Variants in CEP57L1 observed in about 807,000 individuals in gnomAD.
The protein encoded by CEP57L1 is centrosomal protein CEP57L1.
Under a neutral mutation model 61.0 loss-of-function variants are expected in CEP57L1, and 37 were observed. That is an observed-to-expected ratio of 0.61 (90% CI 0.47 to 0.80). The LOEUF is 0.80. Ranked by LOEUF, CEP57L1 falls within the 30% of genes least tolerant of loss-of-function variation. The pLI is 0.00. For missense variants in CEP57L1, 422 were observed against 524.7 expected (o/e 0.80, Z 1.91); for synonymous variants, 137 against 162.3 (o/e 0.84, Z 1.19).
chr6:109,117,670 C>G (rs892281107), intron 1 of CEP57L1, among the ~76,000 whole-genome samples: 5 of 152,098 alleles, frequency 3.3e-5, no homozygotes, highest in Admixed American at 1.3e-4. Flanking sequence ...GCTTAGCAAA[C>G]AGTATTGGAA....
At chr6:109,117,858 G>A (rs1230946351) in intron 1 of CEP57L1, among the ~76,000 whole-genome samples, 1 of 152,160 alleles carries the variant, frequency 6.6e-6, no homozygotes, top group African/African-American at 2.4e-5. Flanking sequence ...ATCATAGGCT[G>A]TTCTCTGTGC....
intron 3 of CEP57L1, among the ~76,000 whole-genome samples, chr6:109,148,895 T>G (rs980754436): frequency 3.9e-5 from 6 of 152,200 alleles, no homozygotes; most frequent in East Asian, 1.9e-4. Flanking sequence ...GTTCATGTGT[T>G]TTTTGGCTGC....
Position 109,155,896 on chromosome 6 carries a change from T to A in CEP57L1, c.744+19T>A, listed in dbSNP as rs769020101. 2.3e-6 allele frequency: 3 copies of A among 1,328,486 alleles called. No individual in the cohort carries two copies. The highest frequency in any genetic ancestry group is 3.2e-6 in the Non-Finnish European group (3 of 936,430). The allele number at this position is 1,328,486 out of a possible 1,614,324, so 82.3% of individuals were successfully genotyped here. A position where few individuals can be genotyped will look rare whatever the true frequency, so the allele number is the denominator to read the frequency against. On this transcript the variant is annotated intron_variant, in intron 7 of 10. Transcript: ENST00000517392. ...TTCAAAGGTGTGCATATAAAATTTT[T>A]TCCCAAACAAAAATACTGCTAATAC...
intron 10 of CEP57L1, 79 bp from the exon 11 acceptor site, chr6:109,162,670 C>T: frequency 1.1e-5 from 10 of 903,168 alleles, no homozygotes; most frequent in South Asian, 3.4e-5. Context: ...AACGTTAAAC[C>T]ATCAATTCAA....
intron 1 of CEP57L1, among the ~76,000 whole-genome samples, chr6:109,105,278 CTA>C (rs1196712920): frequency 4.6e-5 from 7 of 152,018 alleles, no homozygotes; most frequent in African/African-American, 1.7e-4. Context: ...GAAACGTACT[CTA>C]TATTTTCTTC....
At chr6:109,151,737 A>G (rs1772635566) in intron 4 of CEP57L1, among the ~76,000 whole-genome samples, 1 of 152,150 alleles carries the variant, frequency 6.6e-6, no homozygotes, top group Admixed American at 6.5e-5. Context: ...GGAAAAGTCT[A>G]TTTCACTGTC....
At chr6:109,138,892 T>A (rs1771036625) in intron 1 of CEP57L1, among the ~76,000 whole-genome samples, 1 of 152,244 alleles carries the variant, frequency 6.6e-6, no homozygotes, top group Non-Finnish European at 1.5e-5. Context: ...TCCTTCGTCA[T>A]AGTTTCATGG....
chr6:109,148,431 C>T lies in CEP57L1; in HGVS notation c.340+1494C>T, dbSNP rs1461606876. 2.0e-5 allele frequency among the ~76,000 whole-genome samples: 3 copies of T among 152,278 alleles called. No individual in the cohort carries two copies. The East Asian group carries it at 5.8e-4, about 29-fold the overall frequency. On this transcript the variant is annotated intron_variant, in intron 3 of 10. Transcript: ENST00000517392. ...ATGATTTCTGATTTCATCCATGTCC[C>T]TACAAAGGACATGAACTCATCCTTT...
Position 109,159,328 on chromosome 6 carries a change from A to C in CEP57L1, c.882A>C (p.Arg294Ser). 6.2e-7 allele frequency: 1 copy of C among 1,614,098 alleles called. No homozygotes were observed. Residue 294 changes from arginine to serine, a missense_variant, in exon 9 of 11, where the codon AGA becomes AGC. By Grantham distance (110) the Arg-to-Ser change is moderately radical. Transcript: ENST00000517392. ...AACCTTTTAACGTGACTGAGACTAG[A>C]TGTCTCCCCAAGCCTTCTAGAACAA... ...LQKPFNVTET[R>S]CLPKPSRTTS...
chr6:109,113,603 TAA>T (rs1416774465), intron 1 of CEP57L1, among the ~76,000 whole-genome samples: 1 of 152,184 alleles, frequency 6.6e-6, no homozygotes, highest in Non-Finnish European at 1.5e-5. Context: ...TCAAAGATTA[TAA>T]GTCACAGCAT....
chr6:109,117,423 C>A (rs1019207548), intron 1 of CEP57L1, among the ~76,000 whole-genome samples: 2 of 152,292 alleles, frequency 1.3e-5, no homozygotes, highest in South Asian at 2.1e-4. Context: ...ATTGAAGGAA[C>A]CTGAGGCTGT....
intron 1 of CEP57L1, among the ~76,000 whole-genome samples, chr6:109,103,534 C>A (rs1259478467): frequency 6.6e-6 from 1 of 152,082 alleles, no homozygotes; most frequent in East Asian, 1.9e-4. Context: ...AATACCATGC[C>A]CCTTTTTTCT....
At chr6:109,161,885 C>T (rs1393873231) in intron 10 of CEP57L1, among the ~76,000 whole-genome samples, 1 of 151,840 alleles carries the variant, frequency 6.6e-6, no homozygotes, top group African/African-American at 2.4e-5. Flanking sequence ...GACTGTTAGC[C>T]AAATAGAGAA....
intron 1 of CEP57L1, among the ~76,000 whole-genome samples, chr6:109,108,395 A>G (rs1209697256): frequency 6.6e-6 from 1 of 152,080 alleles, no homozygotes; most frequent in African/African-American, 2.4e-5. Context: ...TATTTTTAGC[A>G]GAGACAGGGT....
chr6:109,140,899 C>G (rs1260641), intron 1 of CEP57L1, among the ~76,000 whole-genome samples: 2 of 151,988 alleles, frequency 1.3e-5, no homozygotes, highest in African/African-American at 4.8e-5. Context: ...GGTGCGATCT[C>G]GGCTCACTGC....
chr6:109,162,882 T>A lies in CEP57L1; in HGVS notation c.1295T>A (p.Leu432His). 1 of 1,612,916 alleles carries A rather than the reference T, an allele frequency of 6.2e-7. No homozygotes were observed. Among genetic ancestry groups the A allele is most frequent in the Non-Finnish European group, 8.5e-7 (1 of 1,179,138 alleles). ...SPRKCLTDTN[L>H]FQKNSSFHPI... ...AGAAAATGTTTGACTGACACTAACCTTTTTCAGAAAAACAGCAGCTTTCAT... is the reference window on the plus strand; with the variant it reads ...AGAAAATGTTTGACTGACACTAACCATTTTCAGAAAAACAGCAGCTTTCAT... Residue 432 changes from leucine (L) to histidine (H), a missense_variant, in exon 11 of 11, where the codon CTT becomes CAT. Transcript: ENST00000517392.
intron 10 of CEP57L1, 29 bp downstream of exon 10, chr6:109,160,745 TA>T: frequency 6.4e-7 from 1 of 1,564,628 alleles, no homozygotes; most frequent in Non-Finnish European, 8.6e-7. Context: ...GAGATTTTAA[TA>T]AAAACACAAA....
intron 1 of CEP57L1, among the ~76,000 whole-genome samples, chr6:109,120,639 C>G (rs919187563): frequency 8.6e-5 from 13 of 151,510 alleles, no homozygotes; most frequent in Non-Finnish European, 1.8e-4. Context: ...ATGGGCTACT[C>G]TTAAAATGTT....
intron 1 of CEP57L1, chr6:109,129,532 T>G (rs1209779897): frequency 2.2e-6 from 1 of 456,684 alleles, no homozygotes; most frequent in South Asian, 1.6e-5. Flanking sequence ...ACAGAGGGTA[T>G]TTGGGCATAT....
Sources: allele counts gnomAD v4.1 joint callset (sites outside exome capture counted in the v4.1 genomes callset), GRCh38; gene constraint gnomAD v4.1.1; transcripts MANE v1.5; gene names NCBI Gene and HGNC (gene_info 2026-07-23, HGNC 2026-07-21).